NIPBL: variants seen among roughly 807,000 people sequenced by gnomAD.
NIPBL encodes nipped-B-like protein.
Under a neutral mutation model 321.8 loss-of-function variants are expected in NIPBL, and 19 were observed. The ratio of observed to expected loss-of-function variants is 0.06; its 90% confidence interval spans 0.04 to 0.09. The LOEUF (loss-of-function observed/expected upper bound fraction) is 0.09, where lower values mean the gene tolerates loss of function less well. NIPBL is among the 10% of genes least tolerant of loss of function. The probability of loss-of-function intolerance (pLI) is 1.00; values close to 1 mark genes in which losing one functional copy is unlikely to be tolerated. For synonymous variants in NIPBL, 1,106 were observed against 1,114.1 expected (o/e 0.99, Z 0.14); for missense variants, 2,210 against 3,327.0 (o/e 0.66, Z 8.26).
intron 1 of NIPBL, among the ~76,000 whole-genome samples, chr5:36,950,597 A>G (rs569612725): frequency 6.6e-6 from 1 of 152,224 alleles, no homozygotes; most frequent in South Asian, 2.1e-4. Flanking sequence ...AATTTATTTT[A>G]TAATCTACTA....
At chr5:37,043,293 G>T (rs34479946) in intron 34 of NIPBL, among the ~76,000 whole-genome samples, 20,332 of 152,058 alleles carry the variant, frequency 0.13, 1,700 homozygotes, top group East Asian at 0.31. Flanking sequence ...ACTTTGGGAG[G>T]CCGAGGCAGG....
In NIPBL at chr5:37,045,425, A is replaced by G; in HGVS notation, c.6344-18A>G. On this transcript the variant is annotated intron_variant, in intron 36 of 46. Coordinates refer to ENST00000282516, the MANE Select transcript of NIPBL (RefSeq NM_133433.4). ...TCAAAGATAAATATTATAAGTAAAT[A>G]TTACTTATCTTTATTAGGTGCCATT... is the stretch of plus-strand genomic sequence containing the variant. 2 of 1,526,862 alleles carry G rather than the reference A, an allele frequency of 1.3e-6. No individual in the cohort carries two copies. The highest frequency in any genetic ancestry group is 1.8e-6 in the Non-Finnish European group (2 of 1,103,960). The allele number at this position is 1,526,862 out of a possible 1,614,324, so 94.6% of individuals were successfully genotyped here.
intron 1 of NIPBL, among the ~76,000 whole-genome samples, chr5:36,942,032 C>G (rs1739115636): frequency 6.6e-6 from 1 of 152,070 alleles, no homozygotes; most frequent in Non-Finnish European, 1.5e-5. Context: ...TCACTTTTCT[C>G]CATTGATAGC....
chr5:37,009,806 A>G (rs1747890471), intron 20 of NIPBL, among the ~76,000 whole-genome samples: 1 of 152,120 alleles, frequency 6.6e-6, no homozygotes, highest in Non-Finnish European at 1.5e-5. Context: ...AGAAATGTTT[A>G]GTAGTAGTAT....
chr5:36,899,567 T>A (rs888890868), intron 1 of NIPBL, among the ~76,000 whole-genome samples: 4 of 152,236 alleles, frequency 2.6e-5, no homozygotes, highest in Non-Finnish European at 5.9e-5. Context: ...CTTTGGCTGT[T>A]GTGCCCTTTC....
At chr5:37,052,244 A>G in intron 41 of NIPBL, 122 bp from the exon 42 acceptor site, 1 of 762,910 alleles carries the variant, frequency 1.3e-6, no homozygotes, top group Non-Finnish European at 2.2e-6. Context: ...TCATTCTGTG[A>G]TTCGTATTAT....
At chr5:36,953,198 A>G (rs1740595481) in intron 1 of NIPBL, among the ~76,000 whole-genome samples, 1 of 152,208 alleles carries the variant, frequency 6.6e-6, no homozygotes, top group Non-Finnish European at 1.5e-5. Context: ...AAGCTAGATT[A>G]TGAGGTTAAA....
At chr5:36,892,399 A>G (rs1746400887) in intron 1 of NIPBL, among the ~76,000 whole-genome samples, 1 of 152,196 alleles carries the variant, frequency 6.6e-6, no homozygotes, top group Non-Finnish European at 1.5e-5. Flanking sequence ...AGGGATCTAG[A>G]ACTAGAAATA....
chr5:36,921,815 G>A (rs777627158), intron 1 of NIPBL, among the ~76,000 whole-genome samples: 2 of 151,942 alleles, frequency 1.3e-5, no homozygotes, highest in Non-Finnish European at 2.9e-5. Flanking sequence ...TAAAATGCAG[G>A]GGGACAAGAA....
intron 9 of NIPBL, among the ~76,000 whole-genome samples, chr5:36,984,321 T>C (rs1744492543): frequency 6.6e-6 from 1 of 152,090 alleles, no homozygotes; most frequent in Non-Finnish European, 1.5e-5. Context: ...TGCTTTATTA[T>C]TAGGAAAAGA....
chr5:36,946,329 A>G (rs1185374327), intron 1 of NIPBL, among the ~76,000 whole-genome samples: 2 of 151,738 alleles, frequency 1.3e-5, no homozygotes, highest in Non-Finnish European at 2.9e-5. Flanking sequence ...CTGCAGCCAC[A>G]CTATAACAAG....
intron 9 of NIPBL, among the ~76,000 whole-genome samples, chr5:36,981,643 A>T (rs1341850890): frequency 6.6e-6 from 1 of 151,668 alleles, no homozygotes; most frequent in African/African-American, 2.4e-5. Context: ...ATTAGATATT[A>T]ATACCTTTTT....
At chr5:36,971,389 A>C (rs1411017462) in intron 7 of NIPBL, among the ~76,000 whole-genome samples, 1 of 152,042 alleles carries the variant, frequency 6.6e-6, no homozygotes, top group Non-Finnish European at 1.5e-5. Flanking sequence ...TCTTAATGAA[A>C]TATTTCAGTT....
At chr5:36,959,515 G>C (rs943924674) in intron 4 of NIPBL, among the ~76,000 whole-genome samples, 3 of 152,200 alleles carry the variant, frequency 2.0e-5, no homozygotes, top group African/African-American at 7.2e-5. Flanking sequence ...GTAGGAGACA[G>C]ATATAAATAA....
At chr5:37,055,976 T>A (rs572709921) in intron 42 of NIPBL, among the ~76,000 whole-genome samples, 7 of 151,964 alleles carry the variant, frequency 4.6e-5, no homozygotes, top group African/African-American at 1.7e-4. Flanking sequence ...TGGTATCATG[T>A]CTCCTTTAAA....
chr5:37,019,464 TG>T, intron 25 of NIPBL, 64 bp downstream of exon 25: 1 of 1,194,374 alleles, frequency 8.4e-7, no homozygotes, highest in South Asian at 1.2e-5. Flanking sequence ...TTAAGAAAAT[TG>T]GGAGGTAGCA....
chr5:36,920,623 T>C (rs1748858312), intron 1 of NIPBL, among the ~76,000 whole-genome samples: 1 of 152,178 alleles, frequency 6.6e-6, no homozygotes, highest in South Asian at 2.1e-4. Context: ...ACGTGGCATA[T>C]TATGTTCTTT....
At chr5:36,941,291 A>G (rs1288016922) in intron 1 of NIPBL, among the ~76,000 whole-genome samples, 1 of 152,098 alleles carries the variant, frequency 6.6e-6, no homozygotes, top group Non-Finnish European at 1.5e-5. Context: ...TTGTGTTAAA[A>G]CATAATTTTA....
rs989477323 is a variant in NIPBL at position 37,066,120 on chromosome 5, C to T, written c.*1228C>T. 2 of 152,148 alleles carry T rather than the reference C, an allele frequency of 1.3e-5. No individual in the cohort carries two copies. The highest frequency in any genetic ancestry group is 2.9e-5 in the Non-Finnish European group (2 of 68,004). 9.4% of individuals were successfully genotyped at this position (152,148 alleles called of 1,614,324 possible). On this transcript the variant is annotated 3_prime_UTR_variant, in exon 47 of 47. Transcript: ENST00000282516. ...GTCTTGGGAACAGTTGTCATTTACA[C>T]ATTACTTACTGCAGATATCTTGACT...
Sources: allele counts gnomAD v4.1 joint callset (sites outside exome capture counted in the v4.1 genomes callset), GRCh38; gene constraint gnomAD v4.1.1; transcripts MANE v1.5; gene names NCBI Gene and HGNC (gene_info 2026-07-23, HGNC 2026-07-21).